SMOC1: variants seen among roughly 807,000 people sequenced by gnomAD.
SMOC1 encodes SPARC related modular calcium binding 1, also known as SPARC-related modular calcium-binding protein 1.
SMOC1 carries 22 observed loss-of-function variants against 56.3 expected under a neutral mutation model. The ratio of observed to expected loss-of-function variants is 0.39; its 90% CI spans 0.28 to 0.56. The LOEUF is 0.56. Ranked by LOEUF, SMOC1 falls within the 20% of genes least tolerant of loss-of-function variation. The pLI is 0.61. For missense variants in SMOC1, 509 were observed against 565.4 expected (o/e 0.90, Z 1.01); for synonymous variants, 193 against 215.0 (o/e 0.90, Z 0.89).
At chr14:69,932,341 G>A (rs1885187812) in intron 1 of SMOC1, among the ~76,000 whole-genome samples, 1 of 152,220 alleles carries the variant, frequency 6.6e-6, no homozygotes, top group African/African-American at 2.4e-5. Context: ...TGTTACAGGT[G>A]ATGAGCTTCC....
chr14:69,882,075 A>G (rs1446740320), intron 1 of SMOC1, among the ~76,000 whole-genome samples: 1 of 152,194 alleles, frequency 6.6e-6, no homozygotes, highest in Non-Finnish European at 1.5e-5. Context: ...CTGCAGAGAA[A>G]TTGTTAATAT....
At position 69,952,119 on chromosome 14, in the gene SMOC1, T is replaced by G; in HGVS notation, c.100-19T>G. ...TTGCAAAAGTAACCTCTGTACCCTT[T>G]CACTTTTTTCCAACCTAGTTTCTAA... On this transcript the variant is annotated intron_variant, in intron 1 of 11. Transcript: ENST00000361956. 6.2e-7 allele frequency: 1 copy of G among 1,614,114 alleles called. No individual in the cohort carries two copies. The highest frequency in any genetic ancestry group is 8.5e-7 in the Non-Finnish European group (1 of 1,179,966).
chr14:70,009,149 T>C (rs1885247235), intron 7 of SMOC1, among the ~76,000 whole-genome samples: 1 of 152,270 alleles, frequency 6.6e-6, no homozygotes, highest in Admixed American at 6.5e-5. Flanking sequence ...TTTTTTTCAC[T>C]TCCCAAATTC....
chr14:69,961,265 C>A (rs1883359182), intron 3 of SMOC1, among the ~76,000 whole-genome samples: 1 of 73,322 alleles, frequency 1.4e-5, no homozygotes, highest in Non-Finnish European at 2.5e-5. Flanking sequence ...AAGCAATATT[C>A]TATTGTGTAT....
At position 70,023,329 on chromosome 14, in the gene SMOC1, G is replaced by A; in HGVS notation, c.1173G>A (p.Val391=). The part of the protein sequence containing the change: ...KREMKPFKRY[V]KKKAKPKKCA... ...AGATGAAGCCCTTCAAGCGCTACGTGAAGAAGAAAGCCAAGCCCAAGAAAT... is the reference window on the plus strand; with the variant it reads ...AGATGAAGCCCTTCAAGCGCTACGTAAAGAAGAAAGCCAAGCCCAAGAAAT... Residue 391 remains valine, a synonymous_variant, in exon 11 of 12, where the codon GTG becomes GTA. Coordinates refer to ENST00000361956, the MANE Select transcript of SMOC1 (RefSeq NM_001034852.3). 1 of 1,614,162 alleles carries A rather than the reference G, an allele frequency of 6.2e-7. No homozygotes were observed. The highest frequency in any genetic ancestry group is 8.5e-7 in the Non-Finnish European group (1 of 1,180,032).
intron 10 of SMOC1, among the ~76,000 whole-genome samples, chr14:70,018,463 C>T (rs895293325): frequency 2.6e-5 from 4 of 152,080 alleles, no homozygotes; most frequent in Non-Finnish European, 4.4e-5. Context: ...ATGGCAGGTG[C>T]GTGGGAGGGT....
Position 70,010,791 on chromosome 14 carries a change from C to G in SMOC1, c.702C>G (p.Ala234=), listed in dbSNP as rs3825739. The change falls in exon 8 of 12, where the codon GCC becomes GCG. Residue 234 remains alanine, a synonymous_variant. Coordinates refer to ENST00000361956, the MANE Select transcript of SMOC1 (RefSeq NM_001034852.3). The stretch of plus-strand genomic sequence containing the variant: ...CGTGTGACCAGGAGAGGCAGAGTGC[C>G]CTGGAAGAGGCCCAGCAGAATCCCC... ...VYSCDQERQS[A]LEEAQQNPRE... 6.2e-7 allele frequency: 1 copy of G among 1,614,092 alleles called. No homozygotes were observed. The highest frequency in any genetic ancestry group is 8.5e-7 in the Non-Finnish European group (1 of 1,179,978).
chr14:69,938,362 C>T (rs754468705), intron 1 of SMOC1, among the ~76,000 whole-genome samples: 8 of 151,976 alleles, frequency 5.3e-5, no homozygotes, highest in Admixed American at 1.3e-4. Flanking sequence ...GGGGAACAGT[C>T]GGTGGTAAAA....
rs558443273 is a variant in SMOC1 at position 69,969,046 on chromosome 14, C to A, written c.379-6669C>A. On this transcript the variant is annotated intron_variant, in intron 3 of 11. Coordinates refer to ENST00000361956, the MANE Select transcript of SMOC1 (RefSeq NM_001034852.3). ...ACAAAAAGAGAGGAGGGGTTGTCAT[C>A]GGAAGGAAATTATTTCAAGCATAGT... 1.3e-4 allele frequency among the ~76,000 whole-genome samples: 20 copies of A among 152,180 alleles called. No individual in the cohort carries two copies. The South Asian group carries it at 2.1e-3, about 16-fold the overall frequency.
chr14:69,879,810 G>A, intron 1 of SMOC1, 33 bp downstream of exon 1: 1 of 1,534,912 alleles, frequency 6.5e-7, no homozygotes, highest in Non-Finnish European at 8.7e-7. Context: ...GCCCACCTGC[G>A]GAGGGAGGGG....
intron 1 of SMOC1, among the ~76,000 whole-genome samples, chr14:69,927,682 C>T (rs1400565083): frequency 6.6e-6 from 1 of 152,034 alleles, no homozygotes; most frequent in Non-Finnish European, 1.5e-5. Flanking sequence ...TCTCAACCAC[C>T]ACAACAAAAA....
intron 1 of SMOC1, among the ~76,000 whole-genome samples, chr14:69,906,046 C>G (rs762619933): frequency 2.0e-5 from 3 of 152,170 alleles, no homozygotes; most frequent in Non-Finnish European, 4.4e-5. Flanking sequence ...CCAGATGATG[C>G]TACCATTAAG....
chr14:70,016,701 AT>A (rs1393885677), intron 10 of SMOC1, among the ~76,000 whole-genome samples: 3 of 152,120 alleles, frequency 2.0e-5, no homozygotes, highest in African/African-American at 7.2e-5. Context: ...CCTTCCCACC[AT>A]TATGTTCCAG....
chr14:70,030,145 C>T (rs146282368), intron 11 of SMOC1, 97 bp from the exon 12 acceptor site: 2 of 1,562,944 alleles, frequency 1.3e-6, no homozygotes, highest in East Asian at 4.5e-5. Flanking sequence ...AATTGATGGA[C>T]ATAGCTGGAT....
intron 11 of SMOC1, among the ~76,000 whole-genome samples, chr14:70,025,212 T>C (rs921054751): frequency 2.6e-5 from 4 of 152,324 alleles, no homozygotes; most frequent in African/African-American, 9.6e-5. Flanking sequence ...ATTTGGGTGA[T>C]GCCGACTTAT....
At chr14:69,909,005 A>G (rs1884485106) in intron 1 of SMOC1, among the ~76,000 whole-genome samples, 1 of 151,858 alleles carries the variant, frequency 6.6e-6, no homozygotes, top group South Asian at 2.1e-4. Flanking sequence ...ACCTCTTCTA[A>G]AGTCCTCTAT....
intron 7 of SMOC1, among the ~76,000 whole-genome samples, chr14:70,004,273 G>A (rs558653500): frequency 6.6e-6 from 1 of 152,286 alleles, no homozygotes; most frequent in African/African-American, 2.4e-5. Context: ...TTATTTTTCA[G>A]ATGGACTTTA....
chr14:69,913,214 C>A (rs1594798558), intron 1 of SMOC1, among the ~76,000 whole-genome samples: 1 of 152,216 alleles, frequency 6.6e-6, no homozygotes, highest in East Asian at 1.9e-4. Flanking sequence ...ATTCCTCTAT[C>A]TCTTTCCGCT....
intron 4 of SMOC1, 58 bp downstream of exon 4, chr14:69,975,872 TCTC>T: frequency 8.1e-7 from 1 of 1,228,020 alleles, no homozygotes; most frequent in Non-Finnish European, 1.2e-6. Context: ...CGTTGGTTGG[TCTC>T]CTGCATCTTG....
Sources: gnomAD v4.1 joint callset for allele counts (sites outside exome capture counted in the v4.1 genomes callset) on GRCh38, gnomAD v4.1.1 for gene constraint, MANE v1.5 for transcripts, NCBI Gene and HGNC (gene_info 2026-07-23, HGNC 2026-07-21) for gene names.